Variants in FRK observed in about 807,000 individuals in gnomAD.
The protein encoded by FRK is tyrosine-protein kinase FRK.
FRK carries 51 observed loss-of-function variants against 56.4 expected under a neutral mutation model. The ratio of observed to expected loss-of-function variants is 0.90; its 90% CI spans 0.72 to 1.14. The LOEUF is 1.14. FRK is among the 50% of genes most tolerant of loss of function. FRK has a pLI of 0.00. For missense variants in FRK, 570 were observed against 601.4 expected (o/e 0.95, Z 0.55); for synonymous variants, 245 against 217.9 (o/e 1.12, Z -1.10).
chr6:116,085,719 T>G, the FRK span, among the ~76,000 whole-genome samples: 1 of 152,072 alleles, frequency 6.6e-6, no homozygotes, highest in African/African-American at 2.4e-5. Flanking sequence ...TGTGGGTGTG[T>G]GTGTGTGTGT....
intron 5 of FRK, among the ~76,000 whole-genome samples, chr6:115,954,681 T>C (rs180771593): frequency 3.3e-4 from 51 of 152,246 alleles, no homozygotes; most frequent in Non-Finnish European, 5.6e-4. Context: ...TCTACTATAG[T>C]AGAAATTAGG....
chr6:116,005,346 G>A (rs962457441), intron 1 of FRK, among the ~76,000 whole-genome samples: 2 of 152,128 alleles, frequency 1.3e-5, no homozygotes, highest in Non-Finnish European at 2.9e-5. Context: ...AGCTCTGCTC[G>A]ATGTCAGTCT....
rs1771974660 is a variant in FRK at position 115,932,486 on chromosome 6, T to G, written c.*9928A>C. 1.3e-5 allele frequency: 2 copies of G among 152,188 alleles called. No homozygotes were observed. The highest frequency in any genetic ancestry group is 2.9e-5 in the Non-Finnish European group (2 of 68,028). The allele number at this position is 152,188 out of a possible 1,614,324, so 9.4% of individuals were successfully genotyped here. ...CCCACTGGCAATTCCAATACCCAGG[T>G]GTACAAACCTCATTTACTTTTACTT... is the stretch of plus-strand genomic sequence containing the variant. On this transcript the variant is annotated 3_prime_UTR_variant, in exon 8 of 8. Transcript: ENST00000606080.
In FRK at chr6:116,060,345, C is replaced by T; in HGVS notation, c.-34G>A. The T allele has an allele frequency of 6.5e-7, 1 of 1,538,614 alleles. No homozygotes were observed. Among genetic ancestry groups the T allele is most frequent in the Non-Finnish European group, 8.9e-7 (1 of 1,121,888 alleles). ...GGTGGGGAGAAGAGGAGCAGGGCTT[C>T]TCCCTCTCCCCTTAGTCTCTGCGAT... On this transcript the variant is annotated 5_prime_UTR_variant, in exon 1 of 8. Transcript: ENST00000606080.
At chr6:115,958,635 GA>G (rs1430975704) in intron 4 of FRK, among the ~76,000 whole-genome samples, 176 of 4,762 alleles carry the variant, frequency 0.037, 6 homozygotes, top group Middle Eastern at 0.33. Flanking sequence ...CTCAAAAAAG[GA>G]AAGAAAGAAA....
At chr6:116,030,509 G>A (rs1776265622) in intron 1 of FRK, among the ~76,000 whole-genome samples, 1 of 152,088 alleles carries the variant, frequency 6.6e-6, no homozygotes, top group African/African-American at 2.4e-5. Context: ...AACACATGGT[G>A]GGCTTCTGAA....
At chr6:116,085,675 TCACCACATG>T in the FRK span, among the ~76,000 whole-genome samples, 10 of 152,220 alleles carry the variant, frequency 6.6e-5, no homozygotes, top group African/African-American at 1.9e-4. Flanking sequence ...AATCCCCCCA[TCACCACATG>T]CACCACATGC....
intron 1 of FRK, among the ~76,000 whole-genome samples, chr6:116,023,828 C>A (rs1311287743): frequency 6.6e-6 from 1 of 152,112 alleles, no homozygotes; most frequent in Non-Finnish European, 1.5e-5. Flanking sequence ...ATACATTTAT[C>A]AAATTCCATT....
the FRK span, among the ~76,000 whole-genome samples, chr6:116,077,141 TTACATGTTTTTACCTGTAA>T: frequency 6.6e-6 from 1 of 152,238 alleles, no homozygotes; most frequent in Non-Finnish European, 1.5e-5. Context: ...AAACTCCATT[TTACATGTTTTTACCTGTAA>T]TGTAGTTACT....
intron 2 of FRK, among the ~76,000 whole-genome samples, chr6:115,988,862 T>A (rs1212194756): frequency 6.6e-6 from 1 of 152,016 alleles, no homozygotes; most frequent in Non-Finnish European, 1.5e-5. Flanking sequence ...TTAGTTGTTA[T>A]TTACCTGAAA....
At chr6:116,059,699 T>G (rs2114839128) in intron 1 of FRK, among the ~76,000 whole-genome samples, 1 of 152,356 alleles carries the variant, frequency 6.6e-6, no homozygotes, top group East Asian at 1.9e-4. Flanking sequence ...AGGTACAGTA[T>G]TAAACACATC....
At chr6:116,009,246 G>A (rs761530308) in intron 1 of FRK, among the ~76,000 whole-genome samples, 22 of 152,156 alleles carry the variant, frequency 1.4e-4, no homozygotes, top group Admixed American at 8.5e-4. Context: ...TACTATGCAC[G>A]GAGAAACCTT....
intron 2 of FRK, among the ~76,000 whole-genome samples, chr6:115,970,021 T>A (rs1773741547): frequency 6.6e-6 from 1 of 152,210 alleles, no homozygotes; most frequent in Admixed American, 6.6e-5. Flanking sequence ...GCTAAATATA[T>A]AACTTTATGC....
chr6:116,058,724 C>A (rs1020866836), intron 1 of FRK, among the ~76,000 whole-genome samples: 10 of 152,036 alleles, frequency 6.6e-5, no homozygotes, highest in African/African-American at 2.2e-4. Context: ...TCCCGGCTAA[C>A]ACGGTGAAAC....
intron 2 of FRK, among the ~76,000 whole-genome samples, chr6:116,002,503 G>T (rs1387713499): frequency 6.6e-6 from 1 of 152,186 alleles, no homozygotes; most frequent in East Asian, 1.9e-4. Context: ...TGTAGTCCCA[G>T]CTACTTGGTA....
Position 116,060,174 on chromosome 6 carries a change from GT to G in FRK, c.137del (p.Tyr46SerfsTer16), listed in dbSNP as rs1445417524. ...CCTGGTAATCAAACAAAGCCACAAA[GT>G]AGTGGCCATGCCTCTGTGACTGGGG... ...CSPQSQRHGH[Y>X]FVALFDYQAR... On this transcript the variant is annotated frameshift_variant, in exon 1 of 8. Coordinates refer to ENST00000606080, the MANE Select transcript of FRK (RefSeq NM_002031.3). LOFTEE classifies it high-confidence loss of function. The G allele has an allele frequency of 2.5e-6, 4 of 1,614,030 alleles. No homozygotes were observed. The highest frequency in any genetic ancestry group is 1.7e-6 in the Non-Finnish European group (2 of 1,180,014).
At chr6:116,044,026 C>A (rs1032088096) in intron 1 of FRK, among the ~76,000 whole-genome samples, 1 of 152,144 alleles carries the variant, frequency 6.6e-6, no homozygotes, top group Admixed American at 6.6e-5. Context: ...CCTCCCAAGT[C>A]GAAACCAGAA....
chr6:116,012,770 TA>T (rs1387859417), intron 1 of FRK, among the ~76,000 whole-genome samples: 1 of 152,226 alleles, frequency 6.6e-6, no homozygotes, highest in Non-Finnish European at 1.5e-5. Flanking sequence ...GCTTGCAGTA[TA>T]AAGTGTTTAT....
At chr6:116,039,400 A>G (rs1582744548) in intron 1 of FRK, 2 of 1,571,558 alleles carry the variant, frequency 1.3e-6, no homozygotes, top group Admixed American at 3.3e-5. Context: ...GGCAACCTGC[A>G]AGGAGCTGGC....
Sources: allele counts gnomAD v4.1 joint callset (sites outside exome capture counted in the v4.1 genomes callset), GRCh38; gene constraint gnomAD v4.1.1; transcripts MANE v1.5; gene names NCBI Gene and HGNC (gene_info 2026-07-23, HGNC 2026-07-21).